The following DAAM2 variants were observed in gnomAD, a reference collection of about 807,000 sequenced individuals.
DAAM2 encodes the protein dishevelled associated activator of morphogenesis 2.
Under a neutral mutation model 120.7 loss-of-function variants are expected in DAAM2, and 39 were observed. That is an observed-to-expected ratio of 0.32 (90% CI 0.25 to 0.42). DAAM2 has a LOEUF of 0.42. Among genes scored for constraint, DAAM2 ranks in the 10% least tolerant of loss-of-function variants. The probability of loss-of-function intolerance (pLI) is 1.00; values close to 1 mark genes in which losing one functional copy is unlikely to be tolerated. For synonymous variants in DAAM2, 488 were observed against 524.9 expected (o/e 0.93, Z 0.96); for missense variants, 1,283 against 1,401.7 (o/e 0.92, Z 1.35).
chr6:39,856,576 A>G (rs58102208), intron 2 of DAAM2, 106 bp downstream of exon 2: 4 of 931,834 alleles, frequency 4.3e-6, no homozygotes. Context: ...CCATCTCTCA[A>G]AACTCCTCTT....
At chr6:39,861,063 G>T in intron 3 of DAAM2, 46 bp downstream of exon 3, 2 of 1,496,580 alleles carry the variant, frequency 1.3e-6, no homozygotes, top group Non-Finnish European at 1.8e-6. Context: ...TTCATGGCAT[G>T]GGGTGGCTCT....
Position 39,886,066 on chromosome 6 carries a change from C to A in DAAM2, c.1954-1420C>A, listed in dbSNP as rs560490255. ...TCCCAGGATGGAGGAATGTCCTCCACCCTCTCTGCAGGTTTTCAGCAGAGG... is the reference window on the plus strand; with the variant it reads ...TCCCAGGATGGAGGAATGTCCTCCAACCTCTCTGCAGGTTTTCAGCAGAGG... On this transcript the variant is annotated intron_variant, in intron 15 of 24. Transcript: ENST00000274867. 7.0e-5 allele frequency: 16 copies of A among 229,336 alleles called. No individual in the cohort carries two copies. In the South Asian group the frequency reaches 2.7e-3, roughly 39 times the overall value. The allele number at this position is 229,336 out of a possible 1,614,324, so 14.2% of individuals were successfully genotyped here.
rs1765041867 is a variant in DAAM2, at chr6:39,879,745, T to C, written c.1845+268T>C. On this transcript the variant is annotated intron_variant, in intron 14 of 24. Transcript: ENST00000274867. ...GGAATTTGTGTTTGCCCAGGGTTAA[T>C]GGAGTCACAGCCAAGACAAACACTG... is the stretch of plus-strand genomic sequence containing the variant. 3 of 565,384 alleles carry C rather than the reference T, an allele frequency of 5.3e-6. No homozygotes were observed. The South Asian group carries it at 5.9e-5, about 11-fold the overall frequency. 35.0% of individuals were successfully genotyped at this position (565,384 alleles called of 1,614,324 possible).
intron 1 of DAAM2, among the ~76,000 whole-genome samples, chr6:39,825,833 TA>T (rs1762654633): frequency 6.6e-6 from 1 of 152,190 alleles, no homozygotes; most frequent in African/African-American, 2.4e-5. Flanking sequence ...GCCTGCACAC[TA>T]CATGCAGTGG....
chr6:39,901,620 C>A lies in DAAM2; in HGVS notation c.2982+148C>A. On this transcript the variant is annotated intron_variant, in intron 24 of 24. Transcript: ENST00000274867. This position sits in a 1 kb window ranked among gnomAD's most constrained non-coding sequence, Gnocchi z 4.5. ...GGATGTCAGCCCCAGGAGAGAGAAA[C>A]TTCTTCCCAGCCTGAGGGAAGAGAG... is the stretch of plus-strand genomic sequence containing the variant. 1 of 1,083,904 alleles carries A rather than the reference C, an allele frequency of 9.2e-7. No homozygotes were observed. Among genetic ancestry groups the A allele is most frequent in the Non-Finnish European group, 1.3e-6 (1 of 776,822 alleles). The allele number at this position is 1,083,904 out of a possible 1,614,324, so 67.1% of individuals were successfully genotyped here.
At chr6:39,895,740 C>T (rs1450645325) in intron 19 of DAAM2, among the ~76,000 whole-genome samples, 3 of 152,198 alleles carry the variant, frequency 2.0e-5, no homozygotes, top group African/African-American at 7.2e-5. Flanking sequence ...CCCCCTTCTG[C>T]ACACCCACCA....
chr6:39,856,859 C>T (rs1009225494), intron 2 of DAAM2, among the ~76,000 whole-genome samples: 22 of 152,208 alleles, frequency 1.4e-4, no homozygotes, highest in Middle Eastern at 3.4e-3. Context: ...TTTTAATGTC[C>T]GAGGCACAAA....
In DAAM2 at chr6:39,901,980, AGGGAGCCAGGCCCTGGAAGTTACCC is replaced by A; in HGVS notation, c.3157_3181del (p.Gln1053GlyfsTer3). On this transcript the variant is annotated frameshift_variant, in exon 25 of 25. Coordinates refer to ENST00000274867, the MANE Select transcript of DAAM2 (RefSeq NM_001201427.2). LOFTEE classifies it high-confidence loss of function. The surrounding 1 kb of genome is among the most constrained non-coding windows in gnomAD (Gnocchi z 4.5). Reference sequence around the variant, plus strand: ...AGCTCAAGCGCAGCCGCAAGCGATCAGGGAGCCAGGCCCTGGAAGTTACCCGGGAGCGGGCAATAAACCGGCTAAA... The same window carrying A: ...AGCTCAAGCGCAGCCGCAAGCGATCAGGGAGCGGGCAATAAACCGGCTAAA... The A allele has an allele frequency of 6.2e-7, 1 of 1,612,178 alleles. No homozygotes were observed. The highest frequency in any genetic ancestry group is 1.1e-5 in the South Asian group (1 of 90,966).
chr6:39,891,305 C>A (rs763583312), intron 17 of DAAM2, 36 bp from the exon 18 acceptor site: 6 of 1,500,366 alleles, frequency 4.0e-6, no homozygotes, highest in Non-Finnish European at 4.6e-6. Context: ...CTGCTGCTCA[C>A]CAGTTGCTTG....
At chr6:39,844,249 C>T (rs1230834902) in intron 1 of DAAM2, among the ~76,000 whole-genome samples, 1 of 152,020 alleles carries the variant, frequency 6.6e-6, no homozygotes, top group East Asian at 1.9e-4. Flanking sequence ...TTTTCTATTT[C>T]AAGCTCAATG....
rs1766498039 is a variant in DAAM2, at chr6:39,901,745, T to C, written c.2983-68T>C. The C allele has an allele frequency of 7.3e-7, 1 of 1,376,312 alleles. No individual in the cohort carries two copies. Among genetic ancestry groups the C allele is most frequent in the Non-Finnish European group, 9.6e-7 (1 of 1,037,904 alleles). The allele number at this position is 1,376,312 out of a possible 1,614,324, so 85.3% of individuals were successfully genotyped here. A position where few individuals can be genotyped will look rare whatever the true frequency, so the allele number is the denominator to read the frequency against. The stretch of plus-strand genomic sequence containing the variant: ...CCATGGCCTAGGAGTTAGCCCAGGG[T>C]TGGGGGGCTGCCCTGGCCTCAGCGC... On this transcript the variant is annotated intron_variant, in intron 24 of 24. Coordinates refer to ENST00000274867, the MANE Select transcript of DAAM2 (RefSeq NM_001201427.2). The surrounding 1 kb of genome is among the most constrained non-coding windows in gnomAD (Gnocchi z 4.5).
rs1440409374 is a variant in DAAM2 at position 39,902,003 on chromosome 6, C to G, written c.3173C>G (p.Thr1058Ser). 3 of 1,610,832 alleles carry G rather than the reference C, an allele frequency of 1.9e-6. No individual in the cohort carries two copies. Among genetic ancestry groups the G allele is most frequent in the East Asian group, 4.5e-5 (2 of 44,804 alleles). ...KRSGSQALEVTRERAINRLNY is the reference protein window; with the variant it reads ...KRSGSQALEVSRERAINRLNY ...TCAGGGAGCCAGGCCCTGGAAGTTACCCGGGAGCGGGCAATAAACCGGCTA... is the reference window on the plus strand; with the variant it reads ...TCAGGGAGCCAGGCCCTGGAAGTTAGCCGGGAGCGGGCAATAAACCGGCTA... The change falls in exon 25 of 25, where the codon ACC (threonine) becomes AGC (serine). Residue 1058 changes from threonine (T) to serine (S), a missense_variant. This residue lies in a region of DAAM2 where 748 missense variants were observed against 768.6 expected (regional missense o/e 0.97). Coordinates refer to ENST00000274867, the MANE Select transcript of DAAM2 (RefSeq NM_001201427.2).
At chr6:39,838,498 G>A (rs986439382) in intron 1 of DAAM2, among the ~76,000 whole-genome samples, 15 of 152,076 alleles carry the variant, frequency 9.9e-5, no homozygotes, top group African/African-American at 3.1e-4. Context: ...CTGGTTGGTC[G>A]AGGCCTTGCC....
chr6:39,801,154 T>A (rs898703818), intron 1 of DAAM2, among the ~76,000 whole-genome samples: 3 of 152,230 alleles, frequency 2.0e-5, no homozygotes, highest in Admixed American at 1.3e-4. Context: ...CAATTTTATA[T>A]AAAATCGTTT....
At chr6:39,799,370 C>T (rs552669560) in intron 1 of DAAM2, among the ~76,000 whole-genome samples, 12 of 152,198 alleles carry the variant, frequency 7.9e-5, no homozygotes, top group South Asian at 2.1e-4. Context: ...TCGTTAGCAC[C>T]GTAATAGAAA....
chr6:39,899,138 T>G, intron 22 of DAAM2: 1 of 572,854 alleles, frequency 1.7e-6, no homozygotes, highest in Non-Finnish European at 3.1e-6. Context: ...TATACCCATG[T>G]TACTGTCCAA....
intron 14 of DAAM2, 122 bp downstream of exon 14, chr6:39,879,599 G>T: frequency 7.5e-7 from 1 of 1,337,396 alleles, no homozygotes; most frequent in Non-Finnish European, 1.1e-6. Context: ...GGGGGGTAAG[G>T]GCAGTCATGT....
chr6:39,901,204 C>T lies in DAAM2; in HGVS notation c.2812-98C>T, dbSNP rs762924553. The T allele has an allele frequency of 7.3e-5, 81 of 1,113,640 alleles. No individual in the cohort carries two copies. The highest frequency in any genetic ancestry group is 8.5e-5 in the Non-Finnish European group (65 of 762,612). 69.0% of individuals were successfully genotyped at this position (1,113,640 alleles called of 1,614,324 possible). On this transcript the variant is annotated intron_variant, in intron 23 of 24. Transcript: ENST00000274867. The surrounding 1 kb of genome is among the most constrained non-coding windows in gnomAD (Gnocchi z 4.5). ...CCTGTGCCAACAGTCCCCAGCCTTGCGCTGGGCTCTGCTCTGGCTAGAACC... is the reference window on the plus strand; with the variant it reads ...CCTGTGCCAACAGTCCCCAGCCTTGTGCTGGGCTCTGCTCTGGCTAGAACC...
At chr6:39,876,410 T>G (rs1039642039) in intron 11 of DAAM2, among the ~76,000 whole-genome samples, 1 of 152,228 alleles carries the variant, frequency 6.6e-6, no homozygotes, top group Non-Finnish European at 1.5e-5. Flanking sequence ...CTAATTGGTA[T>G]GTTGGACAAG....
Sources: allele counts gnomAD v4.1 joint callset (sites outside exome capture counted in the v4.1 genomes callset), GRCh38; gene constraint gnomAD v4.1.1; regional missense constraint gnomAD v4.1.1; non-coding constraint Gnocchi (gnomAD v3.1); transcripts MANE v1.5; gene names NCBI Gene and HGNC (gene_info 2026-07-23, HGNC 2026-07-21).